The following HCN1 variants were observed in gnomAD, a reference collection of about 807,000 sequenced individuals.
HCN1 encodes the protein potassium/sodium hyperpolarization-activated cyclic nucleotide-gated channel 1.
HCN1 carries 13 observed loss-of-function variants against 78.9 expected under a neutral mutation model. The ratio of observed to expected loss-of-function variants is 0.16; its 90% confidence interval spans 0.11 to 0.26. HCN1 has a LOEUF of 0.26. Among genes scored for constraint, HCN1 ranks in the 10% least tolerant of loss-of-function variants. The pLI, the probability that HCN1 is intolerant of heterozygous loss-of-function variation, is 1.00. For missense variants in HCN1, 810 were observed against 1,154.3 expected, an observed-to-expected ratio of 0.70 and a Z score of 4.32; for synonymous variants, 552 against 455.5, an observed-to-expected ratio of 1.21 and a Z score of -2.70.
intron 6 of HCN1, among the ~76,000 whole-genome samples, chr5:45,292,453 A>T (rs1745399148): frequency 6.6e-6 from 1 of 152,014 alleles, no homozygotes; most frequent in Non-Finnish European, 1.5e-5. Context: ...TCTGCTAGAC[A>T]TCATTCCTAC....
intron 6 of HCN1, among the ~76,000 whole-genome samples, chr5:45,269,900 G>A (rs940030689): frequency 2.0e-5 from 3 of 152,074 alleles, no homozygotes; most frequent in Admixed American, 6.6e-5. Context: ...TTCTTTGTAC[G>A]TATATTCCAT....
At chr5:45,606,812 T>C (rs1744735010) in intron 2 of HCN1, among the ~76,000 whole-genome samples, 1 of 151,754 alleles carries the variant, frequency 6.6e-6, no homozygotes, top group Non-Finnish European at 1.5e-5. Context: ...GCATGTAAAG[T>C]TAAGGAGGAT....
In HCN1 at chr5:45,293,956, G is replaced by C. The variant is rs143677575; in HGVS notation, c.1618+9643C>G. ...CCTAAGAGGATAACGAATGAGGAAG[G>C]AAAAGAAAAATTAAAAAAAACTCCA... On this transcript the variant is annotated intron_variant, in intron 6 of 7. Coordinates refer to ENST00000303230, the MANE Select transcript of HCN1 (RefSeq NM_021072.4). Among the ~76,000 whole-genome samples the C allele has an allele frequency of 6.9e-4, 105 of 151,838 alleles. 1 individual carries two copies. In the East Asian group the frequency reaches 0.013, roughly 18 times the overall value.
intron 6 of HCN1, among the ~76,000 whole-genome samples, chr5:45,297,572 C>G (rs185662550): frequency 5.3e-5 from 8 of 152,118 alleles, no homozygotes; most frequent in Admixed American, 4.6e-4. Context: ...ACCATCTTTT[C>G]CAGAAAATGG....
chr5:45,494,312 A>G (rs1338846291), intron 2 of HCN1, among the ~76,000 whole-genome samples: 1 of 152,194 alleles, frequency 6.6e-6, no homozygotes, highest in East Asian at 1.9e-4. Flanking sequence ...ATGAGATGGT[A>G]TCTCACTGTG....
chr5:45,627,236 C>T (rs1745182563), intron 2 of HCN1, among the ~76,000 whole-genome samples: 1 of 152,120 alleles, frequency 6.6e-6, no homozygotes, highest in Non-Finnish European at 1.5e-5. Flanking sequence ...ATAGAACCTG[C>T]AAAATCAGCC....
chr5:45,431,447 C>A (rs978206625), intron 3 of HCN1, among the ~76,000 whole-genome samples: 1 of 151,864 alleles, frequency 6.6e-6, no homozygotes, highest in Non-Finnish European at 1.5e-5. Context: ...ATTAGGTTTC[C>A]GTTCTCAATT....
intron 4 of HCN1, among the ~76,000 whole-genome samples, chr5:45,375,187 T>TTTATATAGTATAATATTTTATA: frequency 8.4e-6 from 1 of 119,070 alleles, no homozygotes; most frequent in South Asian, 2.3e-4. Flanking sequence ...TATAATGTAT[T>TTTATATAGTATAATATTTTATA]ATATATAATA....
chr5:45,376,911 A>T (rs570808530), intron 4 of HCN1, among the ~76,000 whole-genome samples: 1 of 152,030 alleles, frequency 6.6e-6, no homozygotes, highest in Non-Finnish European at 1.5e-5. Context: ...ATGTTCAGCC[A>T]GGTCTGAGAA....
At chr5:45,636,825 G>C (rs933447694) in intron 2 of HCN1, among the ~76,000 whole-genome samples, 7 of 152,098 alleles carry the variant, frequency 4.6e-5, no homozygotes, top group African/African-American at 1.7e-4. Flanking sequence ...CTGAGCAAAA[G>C]AGCAAGACCC....
intron 2 of HCN1, among the ~76,000 whole-genome samples, chr5:45,568,050 C>T (rs777052808): frequency 2.6e-5 from 4 of 152,112 alleles, no homozygotes; most frequent in Middle Eastern, 3.4e-3. Flanking sequence ...TCACATATAA[C>T]AGGTCTTTCC....
At chr5:45,649,378 T>TA (rs925382110) in intron 1 of HCN1, among the ~76,000 whole-genome samples, 155 of 148,454 alleles carry the variant, frequency 1.0e-3, no homozygotes, top group African/African-American at 3.3e-3. Flanking sequence ...TCCCCCACCA[T>TA]AAAAAAAAAA....
chr5:45,465,263 C>CA (rs1017700224), intron 2 of HCN1, among the ~76,000 whole-genome samples: 15 of 151,966 alleles, frequency 9.9e-5, no homozygotes, highest in African/African-American at 1.7e-4. Context: ...TTAAAACAAA[C>CA]AAAAAAATCA....
intron 2 of HCN1, among the ~76,000 whole-genome samples, chr5:45,493,662 C>T (rs1741948187): frequency 6.6e-6 from 1 of 151,354 alleles, no homozygotes; most frequent in South Asian, 2.1e-4. Flanking sequence ...AGGTTAGTTA[C>T]ATATGTATAC....
chr5:45,267,044 C>T, intron 7 of HCN1, 45 bp downstream of exon 7: 1 of 1,497,934 alleles, frequency 6.7e-7, no homozygotes, highest in Non-Finnish European at 9.3e-7. Flanking sequence ...CTGTATTATG[C>T]CAGGAGATTA....
At chr5:45,508,881 A>G (rs1742357461) in intron 2 of HCN1, among the ~76,000 whole-genome samples, 1 of 152,122 alleles carries the variant, frequency 6.6e-6, no homozygotes, top group Admixed American at 6.6e-5. Flanking sequence ...GTGAAAGCCA[A>G]ACAAGCTAAG....
At chr5:45,679,422 T>A (rs2112086586) in intron 1 of HCN1, among the ~76,000 whole-genome samples, 1 of 152,194 alleles carries the variant, frequency 6.6e-6, no homozygotes, top group African/African-American at 2.4e-5. Flanking sequence ...GTGTGACCAG[T>A]TAAAACAACA....
At chr5:45,384,616 T>C (rs992924350) in intron 4 of HCN1, among the ~76,000 whole-genome samples, 6 of 152,176 alleles carry the variant, frequency 3.9e-5, no homozygotes, top group Non-Finnish European at 8.8e-5. Context: ...CTTTCTCAAA[T>C]AAACTTGTTT....
At chr5:45,570,763 G>T (rs765211903) in intron 2 of HCN1, among the ~76,000 whole-genome samples, 62 of 152,188 alleles carry the variant, frequency 4.1e-4, no homozygotes, top group Non-Finnish European at 6.9e-4. Context: ...TGGATAAGTA[G>T]ATAAATAGAG....
Sources: gnomAD v4.1 joint callset for allele counts (sites outside exome capture counted in the v4.1 genomes callset) on GRCh38, gnomAD v4.1.1 for gene constraint, MANE v1.5 for transcripts, NCBI Gene and HGNC (gene_info 2026-07-23, HGNC 2026-07-21) for gene names.